BCAT1: variants seen among roughly 807,000 people sequenced by gnomAD.
BCAT1 encodes the protein branched-chain-amino-acid aminotransferase, cytosolic.
In BCAT1, 48 loss-of-function variants were observed where a neutral mutation model predicts 52.4. The ratio of observed to expected loss-of-function variants is 0.92; its 90% CI spans 0.73 to 1.16. The LOEUF is 1.16. Among genes scored for constraint, BCAT1 ranks in the 50% most tolerant of loss-of-function variants. BCAT1 has a pLI of 0.00. For synonymous variants in BCAT1, 167 were observed against 161.3 expected (o/e 1.04, Z -0.27); for missense variants, 451 against 457.1 (o/e 0.99, Z 0.12).
chr12:24,875,096 T>A (rs1942293067), intron 5 of BCAT1, among the ~76,000 whole-genome samples: 1 of 150,478 alleles, frequency 6.6e-6, no homozygotes. Flanking sequence ...CATAGAAACA[T>A]GCAACATAAA....
upstream of BCAT1, chr12:24,949,138 C>A (rs961704062): frequency 3.4e-6 from 2 of 588,608 alleles, no homozygotes; most frequent in East Asian, 5.7e-5. Context: ...CGCGACCTAG[C>A]GGATTGCATC....
At chr12:24,900,510 G>C (rs142344428) in intron 2 of BCAT1, among the ~76,000 whole-genome samples, 3 of 152,284 alleles carry the variant, frequency 2.0e-5, no homozygotes, top group African/African-American at 7.2e-5. Flanking sequence ...TTGAGTCTGA[G>C]AGATCAAGGC....
Position 24,876,849 on chromosome 12 carries a change from C to T in BCAT1, c.510+1681G>A, listed in dbSNP as rs748384774. On this transcript the variant is annotated intron_variant, in intron 5 of 10. Transcript: ENST00000261192. Reference sequence around the variant, plus strand: ...CATCAGGAAGAATAGCTAATGGATGCTGGGCTTAATACCTAGGTGATGGGT... The same window carrying T: ...CATCAGGAAGAATAGCTAATGGATGTTGGGCTTAATACCTAGGTGATGGGT... 1.3e-4 allele frequency among the ~76,000 whole-genome samples: 19 copies of T among 151,990 alleles called. No individual in the cohort carries two copies. The South Asian group carries it at 2.7e-3, about 22-fold the overall frequency.
At chr12:24,832,385 G>A (rs893339845) in intron 9 of BCAT1, among the ~76,000 whole-genome samples, 1 of 151,542 alleles carries the variant, frequency 6.6e-6, no homozygotes, top group African/African-American at 2.4e-5. Context: ...TTTTTGTAGT[G>A]CCAAGTTAAA....
chr12:24,928,260 T>C (rs1943623944), intron 1 of BCAT1, among the ~76,000 whole-genome samples: 1 of 152,202 alleles, frequency 6.6e-6, no homozygotes, highest in South Asian at 2.1e-4. Context: ...AGACCAGACC[T>C]TCCCCCTTCA....
intron 1 of BCAT1, among the ~76,000 whole-genome samples, chr12:24,923,037 T>A (rs1943524975): frequency 6.6e-6 from 1 of 152,156 alleles, no homozygotes; most frequent in African/African-American, 2.4e-5. Context: ...AAAATATTAC[T>A]TACTAGGGAA....
rs745725761 is a variant in BCAT1 at position 24,817,975 on chromosome 12, C to T, written c.*33G>A. On this transcript the variant is annotated 3_prime_UTR_variant, in exon 11 of 11. Coordinates refer to ENST00000261192, the MANE Select transcript of BCAT1 (RefSeq NM_005504.7). The stretch of plus-strand genomic sequence containing the variant: ...TGTCCCAGTAGCATACAGTTGGTAT[C>T]CTCTATTTTCCATTGTATCCTCTAT... 6.2e-7 allele frequency: 1 copy of T among 1,606,228 alleles called. No homozygotes were observed.
At chr12:24,887,080 A>ATAT (rs1555111554) in intron 3 of BCAT1, among the ~76,000 whole-genome samples, 4 of 40,746 alleles carry the variant, frequency 9.8e-5, no homozygotes, top group Non-Finnish European at 2.1e-4. Flanking sequence ...AAAAAAAAAA[A>ATAT]ATATATATAT....
At chr12:24,856,119 G>A (rs1941674034) in intron 5 of BCAT1, among the ~76,000 whole-genome samples, 1 of 152,122 alleles carries the variant, frequency 6.6e-6, no homozygotes, top group African/African-American at 2.4e-5. Context: ...GTAAGCCACT[G>A]TGGAGTTCAG....
At chr12:24,851,727 C>T (rs17314214) in intron 5 of BCAT1, among the ~76,000 whole-genome samples, 23,671 of 152,134 alleles carry the variant, frequency 0.16, 2,150 homozygotes, top group Middle Eastern at 0.25. Context: ...GGATAAAGCG[C>T]CTTAAAGCTT....
chr12:24,860,384 A>C (rs1371050711), intron 5 of BCAT1, among the ~76,000 whole-genome samples: 1 of 151,256 alleles, frequency 6.6e-6, no homozygotes, highest in African/African-American at 2.5e-5. Flanking sequence ...CATTTTTCAG[A>C]GTCAAGAAAC....
At chr12:24,854,558 C>T (rs1341296011) in intron 5 of BCAT1, among the ~76,000 whole-genome samples, 1 of 152,032 alleles carries the variant, frequency 6.6e-6, no homozygotes, top group East Asian at 1.9e-4. Context: ...CTGTGAGGGT[C>T]AGGAAAGCGA....
Position 24,816,261 on chromosome 12 carries a change from A to T in BCAT1, c.*1747T>A. On this transcript the variant is annotated 3_prime_UTR_variant, in exon 11 of 11. Transcript: ENST00000261192. Reference sequence around the variant, plus strand: ...TGCCTCAAGGAAATTTTTCCAATGCATCAAACTTTTAGAATCCTTTTTATT... The same window carrying T: ...TGCCTCAAGGAAATTTTTCCAATGCTTCAAACTTTTAGAATCCTTTTTATT... 2 of 363,698 alleles carry T rather than the reference A, an allele frequency of 5.5e-6. No individual in the cohort carries two copies. The highest frequency in any genetic ancestry group is 9.8e-6 in the Non-Finnish European group (2 of 204,968). The allele number at this position is 363,698 out of a possible 1,614,324, so 22.5% of individuals were successfully genotyped here.
intron 1 of BCAT1, among the ~76,000 whole-genome samples, chr12:24,947,453 A>AT (rs1301121741): frequency 1.3e-5 from 2 of 152,306 alleles, no homozygotes; most frequent in South Asian, 2.1e-4. Flanking sequence ...TGCAAATAAC[A>AT]TTTTTTTAAA....
intron 6 of BCAT1, among the ~76,000 whole-genome samples, chr12:24,845,432 T>C (rs902965705): frequency 3.3e-5 from 5 of 152,192 alleles, no homozygotes; most frequent in Non-Finnish European, 7.3e-5. Context: ...CAAATAATCC[T>C]TATTCATAAC....
Position 24,810,741 on chromosome 12 carries a change from A to G in BCAT1, c.*7267T>C, listed in dbSNP as rs938930322. ...TCTGACATTTTTAAGTTCAGTTTAC[A>G]GTAACTCTTTGCAAAACTTCAGGTT... On this transcript the variant is annotated 3_prime_UTR_variant, in exon 11 of 11. Transcript: ENST00000261192. 2.6e-5 allele frequency: 4 copies of G among 152,238 alleles called. No homozygotes were observed. The highest frequency in any genetic ancestry group is 9.6e-5 in the African/African-American group (4 of 41,468). The allele number at this position is 152,238 out of a possible 1,614,324, so 9.4% of individuals were successfully genotyped here.
rs60862175 is a variant in BCAT1 at position 24,890,156 on chromosome 12, T to TC, written c.279+4118dup. ...AAATTAATCAAACCAGAAGAGGGGG[T>TC]CATGGGAACTCCAACTTGATGCCTC... On this transcript the variant is annotated intron_variant, in intron 3 of 10. Transcript: ENST00000261192. Among the ~76,000 whole-genome samples, 1,232 of 152,110 alleles carry TC rather than the reference T, an allele frequency of 8.1e-3. 23 individuals carry two copies. The highest frequency in any genetic ancestry group is 0.029 in the African/African-American group (1,197 of 41,488).
At chr12:24,881,610 A>G (rs1565480208) in intron 3 of BCAT1, among the ~76,000 whole-genome samples, 199 bp from the exon 4 acceptor site, 1 of 152,216 alleles carries the variant, frequency 6.6e-6, no homozygotes, top group African/African-American at 2.4e-5. Flanking sequence ...GAGGAAAGTT[A>G]TTTTATTATC....
chr12:24,844,701 T>C (rs1941282459), intron 6 of BCAT1, among the ~76,000 whole-genome samples: 1 of 148,722 alleles, frequency 6.7e-6, no homozygotes, highest in Non-Finnish European at 1.5e-5. Context: ...ATTGAGACCA[T>C]CCTGGCTAAC....
Sources: gnomAD v4.1 joint callset for allele counts (sites outside exome capture counted in the v4.1 genomes callset) on GRCh38, gnomAD v4.1.1 for gene constraint, MANE v1.5 for transcripts, NCBI Gene and HGNC (gene_info 2026-07-23, HGNC 2026-07-21) for gene names.